LRP1B: variants seen among roughly 807,000 people sequenced by gnomAD.
LRP1B encodes the protein low-density lipoprotein receptor-related protein 1B.
In LRP1B, 217 loss-of-function variants were observed where a neutral mutation model predicts 556.6. The observed-to-expected ratio is 0.39, with a 90% CI of 0.35 to 0.44. The LOEUF is 0.44. Ranked by LOEUF, LRP1B falls within the 20% of genes least tolerant of loss-of-function variation. LRP1B has a pLI of 1.00. For missense variants in LRP1B, 5,053 were observed against 5,620.8 expected, an observed-to-expected ratio of 0.90 and a Z score of 3.23; for synonymous variants, 2,047 against 1,865.8, an observed-to-expected ratio of 1.10 and a Z score of -2.50.
At chr2:141,635,391 A>G (rs1401743349) in intron 2 of LRP1B, among the ~76,000 whole-genome samples, 4 of 151,894 alleles carry the variant, frequency 2.6e-5, no homozygotes, top group African/African-American at 7.3e-5. Context: ...CATATATGTT[A>G]ATTGGGAGTG....
chr2:141,808,299 A>T (rs1338489985), intron 2 of LRP1B, among the ~76,000 whole-genome samples: 2 of 152,006 alleles, frequency 1.3e-5, no homozygotes, highest in African/African-American at 4.8e-5. Context: ...TCACAGGAGG[A>T]TCAGGGCAGA....
chr2:140,715,085 T>G (rs2105458869), intron 37 of LRP1B, among the ~76,000 whole-genome samples: 1 of 152,044 alleles, frequency 6.6e-6, no homozygotes, highest in East Asian at 1.9e-4. Context: ...ATTTTAAAAA[T>G]TAAGAGAAGA....
intron 1 of LRP1B, among the ~76,000 whole-genome samples, chr2:142,079,474 TC>T (rs1308208232): frequency 6.6e-6 from 1 of 150,612 alleles, no homozygotes; most frequent in Non-Finnish European, 1.5e-5. Flanking sequence ...TTTTCATACA[TC>T]CAATATTTTC....
intron 2 of LRP1B, among the ~76,000 whole-genome samples, chr2:141,762,802 A>G (rs1694604942): frequency 6.6e-6 from 1 of 152,202 alleles, no homozygotes; most frequent in Admixed American, 6.5e-5. Context: ...GGACATATAT[A>G]GAGAAAAATA....
chr2:141,595,411 G>A (rs2105300537), intron 2 of LRP1B, among the ~76,000 whole-genome samples: 1 of 151,966 alleles, frequency 6.6e-6, no homozygotes, highest in Non-Finnish European at 1.5e-5. Context: ...TAATGAGATG[G>A]GAAAATAACC....
intron 11 of LRP1B, among the ~76,000 whole-genome samples, chr2:141,032,762 T>C (rs1339110846): frequency 6.7e-6 from 1 of 150,346 alleles, no homozygotes; most frequent in East Asian, 2.0e-4. Flanking sequence ...TAATGCCTTT[T>C]TCATAGAAAT....
chr2:140,811,690 C>T (rs6758311), intron 32 of LRP1B, among the ~76,000 whole-genome samples: 128,183 of 152,062 alleles, frequency 0.84, 54,430 homozygotes, highest in East Asian at 0.99. Context: ...ATTTAAAATA[C>T]GTACAAAGAC....
chr2:141,985,235 A>G (rs1185599145), intron 1 of LRP1B, among the ~76,000 whole-genome samples: 1 of 152,132 alleles, frequency 6.6e-6, no homozygotes, highest in African/African-American at 2.4e-5. Context: ...ATAGCATTCT[A>G]AGGTTAATAT....
intron 3 of LRP1B, among the ~76,000 whole-genome samples, chr2:141,388,643 T>C (rs1689932228): frequency 6.6e-6 from 1 of 152,070 alleles, no homozygotes. Flanking sequence ...AATGTTGTAC[T>C]GAAAAGTCTA....
At chr2:140,575,537 T>G (rs1017448066) in intron 43 of LRP1B, among the ~76,000 whole-genome samples, 6 of 152,174 alleles carry the variant, frequency 3.9e-5, no homozygotes, top group African/African-American at 1.4e-4. Context: ...TTCTACATAT[T>G]TCATAATTGG....
chr2:141,080,129 G>T (rs543175513), intron 7 of LRP1B, among the ~76,000 whole-genome samples: 1 of 152,342 alleles, frequency 6.6e-6, no homozygotes, highest in East Asian at 1.9e-4. Flanking sequence ...CTATTGGAAA[G>T]CAAATAGATT....
rs188667555 is a variant in LRP1B at position 141,334,795 on chromosome 2, G to A, written c.344-80154C>T. Among the ~76,000 whole-genome samples, 701 of 152,188 alleles carry A rather than the reference G, an allele frequency of 4.6e-3. 9 individuals are homozygous for A. Among genetic ancestry groups the A allele is most frequent in the African/African-American group, 0.015 (633 of 41,502 alleles). On this transcript the variant is annotated intron_variant, in intron 3 of 90. Transcript: ENST00000389484. ...TTGAACTCCTGACCTCAGATGATCT[G>A]CCCGCCTCAGCCTCCCAAAGTGCTG...
chr2:141,790,582 G>A (rs964406719), intron 2 of LRP1B, among the ~76,000 whole-genome samples: 2 of 151,834 alleles, frequency 1.3e-5, no homozygotes, highest in African/African-American at 4.8e-5. Flanking sequence ...AGTGAAAAAT[G>A]TTTCTTGGCT....
intron 2 of LRP1B, among the ~76,000 whole-genome samples, chr2:141,804,296 A>T (rs958911726): frequency 6.6e-6 from 1 of 152,188 alleles, no homozygotes; most frequent in East Asian, 1.9e-4. Context: ...TATAAACTCA[A>T]CTTCTTTATT....
At chr2:141,426,624 T>C (rs1307502033) in intron 3 of LRP1B, among the ~76,000 whole-genome samples, 2 of 152,192 alleles carry the variant, frequency 1.3e-5, no homozygotes, top group Non-Finnish European at 2.9e-5. Flanking sequence ...AAGGAGCAGC[T>C]AGAAAGTGAT....
At chr2:140,335,133 C>G (rs1681009948) in intron 78 of LRP1B, among the ~76,000 whole-genome samples, 1 of 151,722 alleles carries the variant, frequency 6.6e-6, no homozygotes, top group Admixed American at 6.6e-5. Context: ...GTTTACATCT[C>G]TAACTAAAAG....
intron 3 of LRP1B, among the ~76,000 whole-genome samples, chr2:141,444,724 T>A (rs778986981): frequency 1.3e-5 from 2 of 152,218 alleles, no homozygotes; most frequent in Non-Finnish European, 2.9e-5. Context: ...TGTGGTAAAT[T>A]ATGTTTATTG....
chr2:142,091,120 T>G (rs1426942560), intron 1 of LRP1B, among the ~76,000 whole-genome samples: 1 of 152,136 alleles, frequency 6.6e-6, no homozygotes, highest in Admixed American at 6.6e-5. Flanking sequence ...TAATTACCTG[T>G]TCTTTAAGCA....
intron 3 of LRP1B, among the ~76,000 whole-genome samples, chr2:141,417,105 A>G (rs560180292): frequency 6.6e-6 from 1 of 152,286 alleles, no homozygotes; most frequent in East Asian, 1.9e-4. Context: ...TTTACTTTGA[A>G]GTCTTATTAA....
Sources: gnomAD v4.1 joint callset for allele counts (sites outside exome capture counted in the v4.1 genomes callset) on GRCh38, gnomAD v4.1.1 for gene constraint, MANE v1.5 for transcripts, NCBI Gene and HGNC (gene_info 2026-07-23, HGNC 2026-07-21) for gene names.